CIITA: variants seen among roughly 807,000 people sequenced by gnomAD.
CIITA encodes the protein class II major histocompatibility complex transactivator.
In CIITA, 72 loss-of-function variants were observed where a neutral mutation model predicts 115.1. The observed-to-expected ratio is 0.63, with a 90% confidence interval of 0.52 to 0.76. The LOEUF is 0.76. CIITA is among the 30% of genes least tolerant of loss of function. CIITA has a pLI of 0.00. For missense variants in CIITA, 1,617 were observed against 1,463.8 expected (o/e 1.10, Z -1.71); for synonymous variants, 763 against 635.6 (o/e 1.20, Z -3.02).
intron 1 of CIITA, among the ~76,000 whole-genome samples, chr16:10,885,468 C>T (rs1170302318): frequency 6.6e-6 from 1 of 152,204 alleles, no homozygotes; most frequent in Non-Finnish European, 1.5e-5. Flanking sequence ...TGCTACATGC[C>T]TTAGTTTCCT....
At position 10,902,090 on chromosome 16, in the gene CIITA, C is replaced by G; in HGVS notation, c.534C>G (p.Asp178Glu). The change falls in exon 7 of 20, where the codon GAC becomes GAG. Residue 178 changes from aspartate (D) to glutamate (E), a missense_variant. Transcript: ENST00000324288. ...TGSLLVGPVS[D>E]CSTLPCLPLP... ...GTCTCCTAGTGGGACCAGTGAGCGACTGCTCCACCCTGCCCTGCCTGCCAC... is the reference window on the plus strand; with the variant it reads ...GTCTCCTAGTGGGACCAGTGAGCGAGTGCTCCACCCTGCCCTGCCTGCCAC... 1 of 1,614,186 alleles carries G rather than the reference C, an allele frequency of 6.2e-7. No homozygotes were observed. The highest frequency in any genetic ancestry group is 2.2e-5 in the East Asian group (1 of 44,886).
At chr16:10,941,104 C>T (rs928278208), downstream of CIITA, 1 of 152,414 alleles carries the variant, frequency 6.6e-6, no homozygotes, top group Non-Finnish European at 1.5e-5. This position sits in a 1 kb window ranked among gnomAD's most constrained non-coding sequence, Gnocchi z 6.4. Context: ...CCCCACCCAG[C>T]TACCCCAAGG....
chr16:10,888,410 T>A (rs754978535), intron 1 of CIITA: 8 of 152,232 alleles, frequency 5.3e-5, no homozygotes, highest in Non-Finnish European at 1.2e-4. Flanking sequence ...TCCCACCAGC[T>A]GAGATGGAAC....
At chr16:10,886,334 C>G (rs890434233) in intron 1 of CIITA, among the ~76,000 whole-genome samples, 10 of 152,140 alleles carry the variant, frequency 6.6e-5, no homozygotes, top group Non-Finnish European at 8.8e-5. Context: ...GGACATTGTT[C>G]TCTATGGAGT....
At chr16:10,883,498 G>A (rs2036626431) in intron 1 of CIITA, among the ~76,000 whole-genome samples, 1 of 152,178 alleles carries the variant, frequency 6.6e-6, no homozygotes, top group South Asian at 2.1e-4. Context: ...ACAAGCTGGA[G>A]ATGATGGCCC....
chr16:10,884,548 G>T (rs72770020), intron 1 of CIITA, among the ~76,000 whole-genome samples: 1 of 152,052 alleles, frequency 6.6e-6, no homozygotes, highest in Non-Finnish European at 1.5e-5. Flanking sequence ...CCAAGTAGCC[G>T]AGACTACAAG....
At chr16:10,888,022 T>C (rs2037136645) in intron 1 of CIITA, among the ~76,000 whole-genome samples, 4 of 152,122 alleles carry the variant, frequency 2.6e-5, no homozygotes, top group Admixed American at 2.6e-4. Context: ...TGAAACAGAA[T>C]AGTAAATGCA....
At chr16:10,881,345 A>T (rs2036413786) in intron 1 of CIITA, among the ~76,000 whole-genome samples, 1 of 152,190 alleles carries the variant, frequency 6.6e-6, no homozygotes, top group East Asian at 1.9e-4. Context: ...GCATAGGCAG[A>T]TGGGAGGTTT....
chr16:10,909,539 C>T (rs2039414225), intron 12 of CIITA, among the ~76,000 whole-genome samples: 1 of 152,142 alleles, frequency 6.6e-6, no homozygotes, highest in African/African-American at 2.4e-5. Flanking sequence ...ACTGTTGTCC[C>T]AAATTTATAG....
Position 10,901,991 on chromosome 16 carries a change from AG to A in CIITA, c.482-45del. ...CTCCAGGGCCCTCCCCATCCCAGGA[AG>A]GCCCCTCCAAGCACCCAGTCTCTAA... On this transcript the variant is annotated intron_variant, in intron 6 of 19. Coordinates refer to ENST00000324288, the MANE Select transcript of CIITA (RefSeq NM_000246.4). This position sits in a 1 kb window ranked among gnomAD's most constrained non-coding sequence, Gnocchi z 6.8. 6.2e-7 allele frequency: 1 copy of A among 1,610,828 alleles called. No homozygotes were observed. The highest frequency in any genetic ancestry group is 1.3e-5 in the African/African-American group (1 of 74,942).
chr16:10,871,357 A>G (rs1245742451), intron 1 of CIITA, among the ~76,000 whole-genome samples: 1 of 152,164 alleles, frequency 6.6e-6, no homozygotes, highest in African/African-American at 2.4e-5. Flanking sequence ...TGACCATGGA[A>G]TGCGAGGCAC....
intron 17 of CIITA, 68 bp from the exon 18 acceptor site, chr16:10,922,338 TG>T: frequency 1.9e-6 from 3 of 1,608,598 alleles, no homozygotes; most frequent in Non-Finnish European, 2.6e-6. Flanking sequence ...GAGCTGGATG[TG>T]GGGGTGGCCT....
Position 10,898,937 on chromosome 16 carries a change from C to A in CIITA, c.371C>A (p.Pro124Gln). ...TTTCTCAAAGTAGAGCACATAGGAC[C>A]AGATGAAGTGATCGGTGAGAGTATG... ...LSKDIFKHIG[P>Q]DEVIGESMEM... Residue 124 changes from proline to glutamine, a missense_variant, in exon 5 of 20, where the codon CCA becomes CAA. Coordinates refer to ENST00000324288, the MANE Select transcript of CIITA (RefSeq NM_000246.4). 6.2e-7 allele frequency: 1 copy of A among 1,613,870 alleles called. No homozygotes were observed. Among genetic ancestry groups the A allele is most frequent in the Non-Finnish European group, 8.5e-7 (1 of 1,179,950 alleles).
chr16:10,893,110 A>G (rs976170519), intron 1 of CIITA, among the ~76,000 whole-genome samples: 1 of 152,198 alleles, frequency 6.6e-6, no homozygotes, highest in African/African-American at 2.4e-5. Context: ...CCACAAGTCA[A>G]GGATCACCAG....
chr16:10,895,085 T>C (rs934770799), intron 1 of CIITA, among the ~76,000 whole-genome samples, 197 bp from the exon 2 acceptor site: 3 of 152,132 alleles, frequency 2.0e-5, no homozygotes, highest in African/African-American at 7.2e-5. Context: ...TATCTTCTCA[T>C]ATGGTTGTAA....
Position 10,901,634 on chromosome 16 carries a change from C to G in CIITA, c.481+76C>G, listed in dbSNP as rs1567404360. 2 of 1,468,346 alleles carry G rather than the reference C, an allele frequency of 1.4e-6. No individual in the cohort carries two copies. The highest frequency in any genetic ancestry group is 1.9e-6 in the Non-Finnish European group (2 of 1,062,204). The allele number at this position is 1,468,346 out of a possible 1,614,324, so 91.0% of individuals were successfully genotyped here. A position where few individuals can be genotyped will look rare whatever the true frequency, so the allele number is the denominator to read the frequency against. ...GGGATGGAAGAGATTGAACTCCTGGCCCAAGTCTGATGGGGATGGTGCATG... is the reference window on the plus strand; with the variant it reads ...GGGATGGAAGAGATTGAACTCCTGGGCCAAGTCTGATGGGGATGGTGCATG... On this transcript the variant is annotated intron_variant, in intron 6 of 19. Transcript: ENST00000324288. This position sits in a 1 kb window ranked among gnomAD's most constrained non-coding sequence, Gnocchi z 6.8.
intron 1 of CIITA, among the ~76,000 whole-genome samples, chr16:10,890,000 G>C (rs917267161): frequency 1.3e-5 from 2 of 152,168 alleles, no homozygotes; most frequent in African/African-American, 4.8e-5. Flanking sequence ...AGAGCTTTTT[G>C]GGAACTCAGA....
chr16:10,935,537 G>A lies in CIITA; in HGVS notation c.*11682G>A, dbSNP rs2040990978. The A allele has an allele frequency of 6.6e-6, 1 of 152,148 alleles. No homozygotes were observed. Among genetic ancestry groups the A allele is most frequent in the South Asian group, 2.1e-4 (1 of 4,820 alleles). 9.4% of individuals were successfully genotyped at this position (152,148 alleles called of 1,614,324 possible). A position where few individuals can be genotyped will look rare whatever the true frequency, so the allele number is the denominator to read the frequency against. On this transcript the variant is annotated 3_prime_UTR_variant, in exon 20 of 20. Coordinates refer to ENST00000324288, the MANE Select transcript of CIITA (RefSeq NM_000246.4). ...TTAAAAAATAAATTCACATAAAAAA[G>A]TAGTTTTACAGATGAAGCACTAAAA...
intron 1 of CIITA, among the ~76,000 whole-genome samples, chr16:10,889,173 G>T (rs571531286): frequency 1.3e-5 from 2 of 151,504 alleles, no homozygotes; most frequent in African/African-American, 4.9e-5. Flanking sequence ...CTCCTGCCAC[G>T]GGATGATCAG....
Sources: allele counts gnomAD v4.1 joint callset (sites outside exome capture counted in the v4.1 genomes callset), GRCh38; gene constraint gnomAD v4.1.1; non-coding constraint Gnocchi (gnomAD v3.1); transcripts MANE v1.5; gene names NCBI Gene and HGNC (gene_info 2026-07-23, HGNC 2026-07-21).